The following PIK3C3 variants were observed in gnomAD, a reference collection of about 807,000 sequenced individuals.
The protein encoded by PIK3C3 is phosphatidylinositol 3-kinase catalytic subunit type 3.
In PIK3C3, 95 loss-of-function variants were observed where a neutral mutation model predicts 126.1. The ratio of observed to expected loss-of-function variants is 0.75; its 90% CI spans 0.64 to 0.89. The LOEUF is 0.89. PIK3C3 is among the 40% of genes least tolerant of loss of function. The probability of loss-of-function intolerance (pLI) is 0.00; values close to 1 mark genes in which losing one functional copy is unlikely to be tolerated. For missense variants in PIK3C3, 829 were observed against 1,063.2 expected (o/e 0.78, Z 3.06); for synonymous variants, 374 against 360.0 (o/e 1.04, Z -0.44).
Position 42,049,516 on chromosome 18 carries a change from T to TA in PIK3C3, c.2189-13dup. ...TGCATTTGTTTTCACATATTTTTTT[T>TA]AACTGTTACTGCAGCTGGATATTGC... On this transcript the variant is annotated splice_polypyrimidine_tract_variant and intron_variant, in intron 20 of 24. Transcript: ENST00000262039. The TA allele has an allele frequency of 6.2e-7, 1 of 1,603,192 alleles. No individual in the cohort carries two copies. The highest frequency in any genetic ancestry group is 8.5e-7 in the Non-Finnish European group (1 of 1,170,760).
chr18:42,074,953 G>T (rs576118347), intron 24 of PIK3C3, among the ~76,000 whole-genome samples: 1 of 152,218 alleles, frequency 6.6e-6, no homozygotes, highest in East Asian at 1.9e-4. Flanking sequence ...AAGCCGTGTA[G>T]CCTTGAGTAC....
chr18:42,080,343 C>T (rs918074709), intron 24 of PIK3C3, among the ~76,000 whole-genome samples: 7 of 152,230 alleles, frequency 4.6e-5, no homozygotes, highest in Admixed American at 1.3e-4. Flanking sequence ...GCATTTTTCA[C>T]ATTTGTACAT....
chr18:41,970,412 A>T lies in PIK3C3; in HGVS notation c.487A>T (p.Thr163Ser), dbSNP rs756078618. ...GSEPTKTPGRTSSTLSEDQMS... is the reference protein window; with the variant it reads ...GSEPTKTPGRSSSTLSEDQMS... Reference sequence around the variant, plus strand: ...AGAACCCACAAAAACTCCTGGCAGAACAAGTAGCACTCTCTCAGAAGATCA... The same window carrying T: ...AGAACCCACAAAAACTCCTGGCAGATCAAGTAGCACTCTCTCAGAAGATCA... Residue 163 changes from threonine (T) to serine (S), a missense_variant, in exon 4 of 25, where the codon ACA becomes TCA. This residue lies in a region of PIK3C3 where 313 missense variants were observed against 340.7 expected (regional missense o/e 0.92). Transcript: ENST00000262039. The T allele has an allele frequency of 1.2e-6, 2 of 1,614,032 alleles. No homozygotes were observed. Among genetic ancestry groups the T allele is most frequent in the East Asian group, 4.5e-5 (2 of 44,870 alleles).
At chr18:42,053,216 A>G (rs959390892) in intron 21 of PIK3C3, among the ~76,000 whole-genome samples, 3 of 152,210 alleles carry the variant, frequency 2.0e-5, no homozygotes, top group African/African-American at 7.2e-5. Context: ...GTGAAAGAAA[A>G]TGATTCGCTG....
chr18:42,028,092 A>C (rs149767505), intron 14 of PIK3C3, among the ~76,000 whole-genome samples: 1 of 152,316 alleles, frequency 6.6e-6, no homozygotes, highest in East Asian at 1.9e-4. Context: ...GTCTATGGAT[A>C]CTTTTGTACT....
intron 24 of PIK3C3, among the ~76,000 whole-genome samples, chr18:42,070,765 C>T (rs1435645616): frequency 6.6e-6 from 1 of 152,162 alleles, no homozygotes; most frequent in African/African-American, 2.4e-5. Context: ...TCTCCCCTCT[C>T]CCCATCTTAG....
chr18:42,038,766 C>A lies in PIK3C3; in HGVS notation c.1969-15C>A. The A allele has an allele frequency of 4.5e-6, 7 of 1,551,010 alleles. No individual in the cohort carries two copies. Among genetic ancestry groups the A allele is most frequent in the African/African-American group, 1.4e-5 (1 of 73,652 alleles). On this transcript the variant is annotated splice_polypyrimidine_tract_variant and intron_variant, in intron 17 of 24. Transcript: ENST00000262039. ...CTTTACATTTGGTTAATATATTTTA[C>A]CTTTTGATTAAAAGCTGTTACGGAA... is the stretch of plus-strand genomic sequence containing the variant.
Position 42,082,507 on chromosome 18 carries a change from AC to A in PIK3C3, c.*1371del, listed in dbSNP as rs2088560079. The A allele has an allele frequency of 6.6e-6, 1 of 152,184 alleles. No individual in the cohort carries two copies. The highest frequency in any genetic ancestry group is 1.5e-5 in the Non-Finnish European group (1 of 68,032). 9.4% of individuals were successfully genotyped at this position (152,184 alleles called of 1,614,324 possible). ...TCATCTTAAGAGAGCTTATATATAA[AC>A]TAAATGGGCAGGCTCCATCGTCTAC... On this transcript the variant is annotated 3_prime_UTR_variant, in exon 25 of 25. Coordinates refer to ENST00000262039, the MANE Select transcript of PIK3C3 (RefSeq NM_002647.4).
chr18:42,067,594 C>T (rs780619668), intron 24 of PIK3C3, 81 bp downstream of exon 24: 99 of 1,435,682 alleles, frequency 6.9e-5, no homozygotes, highest in Non-Finnish European at 9.4e-5. Context: ...TGCATTTCTC[C>T]TGCCAGTTGA....
At chr18:42,071,947 C>T (rs2144527242) in intron 24 of PIK3C3, among the ~76,000 whole-genome samples, 1 of 152,220 alleles carries the variant, frequency 6.6e-6, no homozygotes, top group South Asian at 2.1e-4. Flanking sequence ...GGCACTGAAG[C>T]ATACATGGGA....
chr18:42,008,952 T>A (rs966188157), intron 10 of PIK3C3, among the ~76,000 whole-genome samples: 4 of 152,118 alleles, frequency 2.6e-5, no homozygotes, highest in Admixed American at 2.6e-4. Flanking sequence ...TTTTATGTTA[T>A]ATGGTTAACT....
chr18:41,966,177 C>CCTTTTTTTTTTTTTTTTTTT (rs1555671402), intron 3 of PIK3C3, among the ~76,000 whole-genome samples: 1 of 112,574 alleles, frequency 8.9e-6, no homozygotes, highest in African/African-American at 3.7e-5. Flanking sequence ...TATATTGTTC[C>CCTTTTTTTTTTTTTTTTTTT]TTTTTTTTTT....
At position 42,082,765 on chromosome 18, in the gene PIK3C3, C is replaced by A. The variant is rs1675686382; in HGVS notation, c.*1628C>A. ...TTTAATGGGCTAAGAAAGTAAATAT[C>A]TTCAGCTTTGGGGGGCATATGATCC... is the stretch of plus-strand genomic sequence containing the variant. On this transcript the variant is annotated 3_prime_UTR_variant, in exon 25 of 25. Transcript: ENST00000262039. The A allele has an allele frequency of 6.6e-6, 1 of 152,174 alleles. No homozygotes were observed. Among genetic ancestry groups the A allele is most frequent in the Non-Finnish European group, 1.5e-5 (1 of 68,038 alleles). 9.4% of individuals were successfully genotyped at this position (152,174 alleles called of 1,614,324 possible).
intron 13 of PIK3C3, 76 bp from the exon 14 acceptor site, chr18:42,027,367 T>C (rs1983616191): frequency 9.8e-6 from 7 of 716,574 alleles, no homozygotes; most frequent in Non-Finnish European, 1.2e-5. Flanking sequence ...TCTGTTTTAG[T>C]GAAATGATAT....
chr18:42,038,822 T>C lies in PIK3C3; in HGVS notation c.2010T>C (p.Tyr670=). The change falls in exon 18 of 25, where the codon TAT becomes TAC. Residue 670 remains tyrosine, a synonymous_variant. Transcript: ENST00000262039. ...ATCTGGACTTGAAATTGACACCTTA[T>C]AAGGTGTTAGCCACCAGTACAAAAC... ...KENLDLKLTP[Y]KVLATSTKHG... is the part of the protein sequence containing the mutation. The C allele has an allele frequency of 1.2e-6, 2 of 1,606,132 alleles. No homozygotes were observed. The highest frequency in any genetic ancestry group is 1.7e-6 in the Non-Finnish European group (2 of 1,173,234).
At chr18:42,003,117 A>T (rs1188372847) in intron 9 of PIK3C3, among the ~76,000 whole-genome samples, 1 of 152,154 alleles carries the variant, frequency 6.6e-6, no homozygotes, top group Non-Finnish European at 1.5e-5. Flanking sequence ...TGAACTAGAC[A>T]ATCTCCATAG....
chr18:41,968,102 A>G (rs1241629512), intron 3 of PIK3C3, among the ~76,000 whole-genome samples: 1 of 152,156 alleles, frequency 6.6e-6, no homozygotes, highest in Non-Finnish European at 1.5e-5. Context: ...CACGTCCCCT[A>G]TCCTTAAATC....
intron 24 of PIK3C3, among the ~76,000 whole-genome samples, chr18:42,075,792 G>C (rs1331297359): frequency 6.7e-6 from 1 of 149,742 alleles, no homozygotes. Flanking sequence ...AGCTGCATTA[G>C]CCCTTACCAA....
chr18:41,986,448 G>C (rs1981482032), intron 4 of PIK3C3, among the ~76,000 whole-genome samples: 1 of 152,072 alleles, frequency 6.6e-6, no homozygotes, highest in Admixed American at 6.6e-5. Context: ...AATACCACCT[G>C]TTATATTTTG....
Sources: allele counts gnomAD v4.1 joint callset (sites outside exome capture counted in the v4.1 genomes callset), GRCh38; gene constraint gnomAD v4.1.1; regional missense constraint gnomAD v4.1.1; transcripts MANE v1.5; gene names NCBI Gene and HGNC (gene_info 2026-07-23, HGNC 2026-07-21).